The following NUP155 variants were observed in gnomAD, a reference collection of about 807,000 sequenced individuals.
The protein encoded by NUP155 is nucleoporin 155.
Under a neutral mutation model 180.4 loss-of-function variants are expected in NUP155, and 71 were observed. The observed-to-expected ratio is 0.39, with a 90% CI of 0.33 to 0.48. The LOEUF is 0.48. Among genes scored for constraint, NUP155 ranks in the 20% least tolerant of loss-of-function variants. The pLI is 0.91. For synonymous variants in NUP155, 582 were observed against 559.5 expected, an observed-to-expected ratio of 1.04 and a Z score of -0.57; for missense variants, 1,553 against 1,648.9, an observed-to-expected ratio of 0.94 and a Z score of 1.01.
intron 18 of NUP155, chr5:37,327,330 T>C (rs1744667840): frequency 2.7e-6 from 1 of 373,562 alleles, no homozygotes; most frequent in Admixed American, 4.1e-5. Context: ...TGTACATGAA[T>C]TTTTGACTAC....
chr5:37,357,039 G>A (rs1465739657), intron 4 of NUP155, among the ~76,000 whole-genome samples: 2 of 152,038 alleles, frequency 1.3e-5, no homozygotes, highest in Non-Finnish European at 2.9e-5. Flanking sequence ...CCTGGGAGGC[G>A]GAGGCTGCTG....
In NUP155 at chr5:37,350,201, A is replaced by G; in HGVS notation, c.788T>C (p.Phe263Ser). 2 of 1,613,954 alleles carry G rather than the reference A, an allele frequency of 1.2e-6. No homozygotes were observed. The highest frequency in any genetic ancestry group is 1.7e-6 in the Non-Finnish European group (2 of 1,179,902). The change falls in exon 7 of 35, where the codon TTC (phenylalanine) becomes TCC (serine). Residue 263 changes from phenylalanine (F) to serine (S), a missense_variant. Coordinates refer to ENST00000231498, the MANE Select transcript of NUP155 (RefSeq NM_153485.3). ...GAATTGTAGCAAGGAAGGAACAAGG[A>G]AAGAAAGTGAGCTCTTTGAGTGGTT... ...KINHSKSSLS[F>S]LVPSLLQFTF...
chr5:37,335,505 A>G (rs996737393), intron 12 of NUP155, among the ~76,000 whole-genome samples: 1 of 152,156 alleles, frequency 6.6e-6, no homozygotes, highest in Non-Finnish European at 1.5e-5. Flanking sequence ...AACAATTGTT[A>G]GCAGTTCGCC....
At chr5:37,349,286 C>T in intron 7 of NUP155, 41 bp from the exon 8 acceptor site, 1 of 654,008 alleles carries the variant, frequency 1.5e-6, no homozygotes, top group Non-Finnish European at 2.5e-6. Context: ...AAAAGTAAAC[C>T]CAAGGATTAA....
At chr5:37,335,728 T>A (rs1470483204) in intron 12 of NUP155, among the ~76,000 whole-genome samples, 1 of 152,010 alleles carries the variant, frequency 6.6e-6, no homozygotes, top group Non-Finnish European at 1.5e-5. Context: ...GGCAGGTGGA[T>A]CCCTTAAGCT....
Position 37,309,275 on chromosome 5 carries a change from A to G in NUP155, c.2629-8T>C. ...CTGGAGAAGCTCATTTGCCTAGAAG[A>G]GGAGATAACAAGAACTTAAAAATAT... On this transcript the variant is annotated splice_region_variant and splice_polypyrimidine_tract_variant and intron_variant, in intron 23 of 34. Coordinates refer to ENST00000231498, the MANE Select transcript of NUP155 (RefSeq NM_153485.3). The G allele has an allele frequency of 6.2e-7, 1 of 1,609,308 alleles. No homozygotes were observed. The highest frequency in any genetic ancestry group is 8.5e-7 in the Non-Finnish European group (1 of 1,177,366).
chr5:37,333,200 C>T (rs1745094121), intron 13 of NUP155, among the ~76,000 whole-genome samples: 1 of 151,512 alleles, frequency 6.6e-6, no homozygotes, highest in African/African-American at 2.4e-5. Context: ...ACTAAAAATA[C>T]AAAAATTAGC....
At chr5:37,296,287 T>C (rs898410244) in intron 32 of NUP155, among the ~76,000 whole-genome samples, 3 of 152,106 alleles carry the variant, frequency 2.0e-5, no homozygotes, top group African/African-American at 2.4e-5. Flanking sequence ...CGTGTCTGTA[T>C]AGAAAGAGGT....
At chr5:37,315,165 G>A (rs1011004562) in intron 21 of NUP155, among the ~76,000 whole-genome samples, 7 of 152,256 alleles carry the variant, frequency 4.6e-5, no homozygotes, top group Non-Finnish European at 8.8e-5. Context: ...CTGGGAGGTA[G>A]AGGTTGCAGT....
In NUP155 at chr5:37,352,380, A is replaced by C. The variant is rs1349443414; in HGVS notation, c.556+357T>G. Among the ~76,000 whole-genome samples, 3 of 151,646 alleles carry C rather than the reference A, an allele frequency of 2.0e-5. 1 individual carries two copies. The highest frequency in any genetic ancestry group is 4.4e-5 in the Non-Finnish European group (3 of 67,894). On this transcript the variant is annotated intron_variant, in intron 5 of 34. Transcript: ENST00000231498. ...TATCAAAAACAAACAAACAAACAAAAAAACAAAATTAGCCGGGTATGGTGG... is the reference window on the plus strand; with the variant it reads ...TATCAAAAACAAACAAACAAACAAACAAACAAAATTAGCCGGGTATGGTGG...
chr5:37,295,292 G>T (rs558418900), intron 32 of NUP155, among the ~76,000 whole-genome samples: 11 of 152,186 alleles, frequency 7.2e-5, no homozygotes, highest in African/African-American at 2.7e-4. Flanking sequence ...CGAGTGATCC[G>T]CCAGCCTCGG....
intron 23 of NUP155, 83 bp from the exon 24 acceptor site, chr5:37,309,350 C>A: frequency 2.7e-4 from 281 of 1,044,118 alleles, no homozygotes; most frequent in East Asian, 9.7e-4. Context: ...TAGTCTATGT[C>A]TAAATTTATA....
intron 4 of NUP155, among the ~76,000 whole-genome samples, chr5:37,357,399 C>CAAAAAAAA (rs397997409): frequency 2.4e-3 from 75 of 31,286 alleles, no homozygotes; most frequent in Middle Eastern, 0.033. Flanking sequence ...ACCTTAATCT[C>CAAAAAAAA]AAAAAAAAAA....
At position 37,302,817 on chromosome 5, in the gene NUP155, C is replaced by A; in HGVS notation, c.3409G>T (p.Asp1137Tyr). ...TCTAATTCATGAAGAAATTCACCAT[C>A]GGCAGCTATTGATGAAATGGCAGTG... ...SSTAISSIAA[D>Y]GEFLHELEEK... Residue 1137 changes from aspartate (D) to tyrosine (Y), a missense_variant, in exon 29 of 35, where the codon GAT (aspartate) becomes TAT (tyrosine). Asp to Tyr is a radical substitution (Grantham distance 160). Transcript: ENST00000231498. 1.2e-6 allele frequency: 2 copies of A among 1,613,936 alleles called. No individual in the cohort carries two copies. Among genetic ancestry groups the A allele is most frequent in the Non-Finnish European group, 8.5e-7 (1 of 1,179,900 alleles).
chr5:37,298,967 T>C lies in NUP155; in HGVS notation c.3694A>G (p.Ser1232Gly). The C allele has an allele frequency of 6.3e-7, 1 of 1,599,510 alleles. No homozygotes were observed. Among genetic ancestry groups the C allele is most frequent in the Non-Finnish European group, 8.6e-7 (1 of 1,166,870 alleles). ...CTATCCGAGGAGCTCAATGTCACAC[T>C]GTCACTCAATTCTGTAACAAAAAGA... Reference protein sequence around the residue: ...QDIIEKELSDSVTLSSSDRMH... With the variant: ...QDIIEKELSDGVTLSSSDRMH... Residue 1232 changes from serine (S) to glycine (G), a missense_variant, in exon 32 of 35, where the codon AGT (serine) becomes GGT (glycine). Ser to Gly is a moderately conservative substitution (Grantham distance 56). Coordinates refer to ENST00000231498, the MANE Select transcript of NUP155 (RefSeq NM_153485.3).
At chr5:37,330,338 G>A (rs953639520) in intron 14 of NUP155, among the ~76,000 whole-genome samples, 1 of 152,186 alleles carries the variant, frequency 6.6e-6, no homozygotes, top group African/African-American at 2.4e-5. Flanking sequence ...ATTACAGGAT[G>A]TTCTCTTTTC....
chr5:37,351,183 G>C lies in NUP155; in HGVS notation c.723+7C>G. 6.2e-7 allele frequency: 1 copy of C among 1,612,804 alleles called. No individual in the cohort carries two copies. The highest frequency in any genetic ancestry group is 1.1e-5 in the South Asian group (1 of 90,998). On this transcript the variant is annotated splice_region_variant and intron_variant, in intron 6 of 34. Transcript: ENST00000231498. Reference sequence around the variant, plus strand: ...GAAAAAAAAACGTTTACAAATGTCAGACTTACCTGGTAGGCTACTTCATAT... The same window carrying C: ...GAAAAAAAAACGTTTACAAATGTCACACTTACCTGGTAGGCTACTTCATAT...
intron 3 of NUP155, among the ~76,000 whole-genome samples, chr5:37,362,282 T>C (rs1348685276): frequency 6.6e-6 from 1 of 152,084 alleles, no homozygotes; most frequent in Non-Finnish European, 1.5e-5. Flanking sequence ...TGTAAAAAAT[T>C]TCATTAGTGT....
At chr5:37,345,125 C>T (rs1379040647) in intron 9 of NUP155, among the ~76,000 whole-genome samples, 2 of 151,508 alleles carry the variant, frequency 1.3e-5, no homozygotes, top group Non-Finnish European at 2.9e-5. Context: ...TCAAGCACCA[C>T]TGCACTCAAT....
Sources: allele counts gnomAD v4.1 joint callset (sites outside exome capture counted in the v4.1 genomes callset), GRCh38; gene constraint gnomAD v4.1.1; transcripts MANE v1.5; gene names NCBI Gene and HGNC (gene_info 2026-07-23, HGNC 2026-07-21).